The following PUDP variants were observed in gnomAD, a reference collection of about 807,000 sequenced individuals.
The protein encoded by PUDP is pseudouridine-5'-phosphatase.
Under a neutral mutation model 9.4 loss-of-function variants are expected in PUDP, and 8 were observed. That is an observed-to-expected ratio of 0.85 (90% CI 0.50 to 1.53). The LOEUF is 1.53. PUDP is among the 40% of genes most tolerant of loss of function. The probability of loss-of-function intolerance (pLI) is 0.00; values close to 1 mark genes in which losing one functional copy is unlikely to be tolerated. For missense variants in PUDP, 188 were observed against 189.7 expected (o/e 0.99, Z 0.05); for synonymous variants, 99 against 80.7 (o/e 1.23, Z -1.22).
chrX:6,865,045 TTG>T (rs1046140796), intron 3 of PUDP, among the ~76,000 whole-genome samples: 1 of 112,042 alleles, frequency 8.9e-6, no homozygotes, highest in Non-Finnish European at 1.9e-5. Flanking sequence ...GTCGATGCTG[TTG>T]TGTTTGCTGA....
intron 1 of PUDP, among the ~76,000 whole-genome samples, chrX:7,110,009 T>G (rs1214855165): frequency 8.9e-6 from 1 of 112,202 alleles, no homozygotes; most frequent in Non-Finnish European, 1.9e-5. Flanking sequence ...TGTGGCATGT[T>G]GAGAGCAGCT....
rs746671582 is a variant in PUDP at position 6,844,837 on chromosome X, G to T, written c.*247+132296C>A. Among the ~76,000 whole-genome samples the T allele has an allele frequency of 2.7e-5, 3 of 112,409 alleles. No homozygotes were observed. In the Admixed American group the frequency reaches 2.8e-4, roughly 11 times the overall value. On this transcript the variant is annotated intron_variant and NMD_transcript_variant, in intron 3 of 3. Transcript: ENST00000655425. ...CAGGGGAATGGATGGGTAACTCCCAGTATGAGGCCAAATTCCTCAGATCAG... is the reference window on the plus strand; with the variant it reads ...CAGGGGAATGGATGGGTAACTCCCATTATGAGGCCAAATTCCTCAGATCAG...
chrX:6,956,356 T>C (rs988153385), intron 3 of PUDP, among the ~76,000 whole-genome samples: 2 of 109,122 alleles, frequency 1.8e-5, no homozygotes, highest in African/African-American at 3.4e-5. Flanking sequence ...GCATCTTCAG[T>C]GGGGGCAAAC....
chrX:6,780,781 G>C (rs757835398), intron 3 of PUDP, among the ~76,000 whole-genome samples: 4 of 110,845 alleles, frequency 3.6e-5, no homozygotes, highest in Non-Finnish European at 7.6e-5. Flanking sequence ...AACAGGCCGG[G>C]TGCAGTGCCT....
chrX:7,133,436 C>T (rs1420293056), intron 1 of PUDP, among the ~76,000 whole-genome samples: 1 of 112,032 alleles, frequency 8.9e-6, no homozygotes, highest in African/African-American at 3.2e-5. Flanking sequence ...AGGAACTATC[C>T]GTGAAGCCAA....
At chrX:6,866,092 TC>T (rs1927079797) in intron 3 of PUDP, among the ~76,000 whole-genome samples, 1 of 110,562 alleles carries the variant, frequency 9.0e-6, no homozygotes, top group Non-Finnish European at 1.9e-5. Flanking sequence ...GACTATTTTT[TC>T]TTTTTATTTT....
intron 3 of PUDP, among the ~76,000 whole-genome samples, chrX:6,729,737 A>G (rs1214696293): frequency 9.0e-6 from 1 of 111,208 alleles, no homozygotes; most frequent in African/African-American, 3.3e-5. Flanking sequence ...CCACAGTACC[A>G]GGCTTATCAG....
chrX:6,998,598 G>A (rs967766158), intron 1 of PUDP, among the ~76,000 whole-genome samples: 1 of 111,947 alleles, frequency 8.9e-6, no homozygotes, highest in African/African-American at 3.2e-5. Context: ...GTAGTGTTGA[G>A]CATAATGAAA....
chrX:6,791,314 G>A (rs1206751046), intron 3 of PUDP, among the ~76,000 whole-genome samples: 1 of 18,802 alleles, frequency 5.3e-5, no homozygotes, highest in Non-Finnish European at 8.3e-5. Flanking sequence ...GAGAGACTCT[G>A]TCTCAAAAAA....
At chrX:7,015,597 C>T (rs1461077116) in intron 1 of PUDP, among the ~76,000 whole-genome samples, 1 of 111,503 alleles carries the variant, frequency 9.0e-6, no homozygotes, top group Non-Finnish European at 1.9e-5. Context: ...TTTCAAGAGG[C>T]AGGGTCTGAT....
At chrX:6,791,318 CA>C (rs35244825) in intron 3 of PUDP, among the ~76,000 whole-genome samples, 4 of 82,481 alleles carry the variant, frequency 4.8e-5, no homozygotes, top group Admixed American at 1.4e-4. Context: ...GACTCTGTCT[CA>C]AAAAAAAAAA....
chrX:6,967,272 G>A (rs932207053), intron 3 of PUDP, among the ~76,000 whole-genome samples: 1 of 111,709 alleles, frequency 9.0e-6, no homozygotes, highest in Non-Finnish European at 1.9e-5. Context: ...TTCCTGCCTG[G>A]CCCTTTCCTT....
At chrX:6,877,242 A>G (rs1374254296) in intron 3 of PUDP, among the ~76,000 whole-genome samples, 1 of 111,297 alleles carries the variant, frequency 9.0e-6, no homozygotes, top group Non-Finnish European at 1.9e-5. Flanking sequence ...TATAAGCATG[A>G]GCCACTATAT....
At chrX:7,125,680 T>C (rs1391708215) in intron 1 of PUDP, among the ~76,000 whole-genome samples, 1 of 112,034 alleles carries the variant, frequency 8.9e-6, no homozygotes, top group Non-Finnish European at 1.9e-5. Flanking sequence ...AGAGGCTTAA[T>C]GGACTCACAG....
chrX:6,909,582 T>C (rs1259176039), intron 3 of PUDP, among the ~76,000 whole-genome samples: 1 of 112,063 alleles, frequency 8.9e-6, no homozygotes, highest in East Asian at 2.8e-4. Flanking sequence ...GATCTGTGGC[T>C]GCTTTCAGGC....
Position 7,148,092 on chromosome X carries a change from C to G in PUDP, c.22G>C (p.Val8Leu). 1 of 1,125,928 alleles carries G rather than the reference C, an allele frequency of 8.9e-7. No homozygotes were observed. The highest frequency in any genetic ancestry group is 1.2e-6 in the Non-Finnish European group (1 of 850,281). 92.8% of individuals were successfully genotyped at this position (1,125,928 alleles called of 1,213,427 possible). Residue 8 changes from valine (V) to leucine (L), a missense_variant, in exon 1 of 4, where the codon GTC becomes CTC. Coordinates refer to ENST00000381077, the MANE Select transcript of PUDP (RefSeq NM_012080.5). MAAPPQP[V>L]THLIFDMDGL... Reference sequence around the variant, plus strand: ...TCCATGTCAAAGATGAGGTGGGTGACGGGCTGCGGGGGCGCCGCCATGGTG... The same window carrying G: ...TCCATGTCAAAGATGAGGTGGGTGAGGGGCTGCGGGGGCGCCGCCATGGTG...
chrX:7,135,536 T>C (rs1483460112), intron 1 of PUDP, among the ~76,000 whole-genome samples: 6 of 112,110 alleles, frequency 5.4e-5, no homozygotes, highest in Admixed American at 2.8e-4. Flanking sequence ...TCTGCTATAA[T>C]ACACATTGCA....
intron 1 of PUDP, among the ~76,000 whole-genome samples, chrX:6,709,324 C>T (rs1011029651): frequency 2.7e-5 from 3 of 111,749 alleles, no homozygotes; most frequent in Non-Finnish European, 5.6e-5. Flanking sequence ...CTGTTTAATT[C>T]ATGATTCTCT....
intron 3 of PUDP, among the ~76,000 whole-genome samples, chrX:6,852,147 G>T (rs181501200): frequency 8.9e-6 from 1 of 112,162 alleles, no homozygotes; most frequent in Non-Finnish European, 1.9e-5. Context: ...CCTACTCTGT[G>T]CATGGCTACA....
Sources: gnomAD v4.1 joint callset for allele counts (sites outside exome capture counted in the v4.1 genomes callset) on GRCh38, gnomAD v4.1.1 for gene constraint, MANE v1.5 for transcripts, NCBI Gene and HGNC (gene_info 2026-07-23, HGNC 2026-07-21) for gene names.